CLEC3A: variants seen among roughly 807,000 people sequenced by gnomAD.
CLEC3A encodes C-type lectin domain family 3 member A.
Under a neutral mutation model 20.4 loss-of-function variants are expected in CLEC3A, and 28 were observed. The ratio of observed to expected loss-of-function variants is 1.37; its 90% CI spans 1.02 to 1.88. The LOEUF (loss-of-function observed/expected upper bound fraction) is 1.88, where lower values mean the gene tolerates loss of function less well. Ranked by LOEUF, CLEC3A falls within the 40% of genes most tolerant of loss-of-function variation. The probability of loss-of-function intolerance (pLI) is 0.00; values close to 1 mark genes in which losing one functional copy is unlikely to be tolerated. For missense variants in CLEC3A, 357 were observed against 240.4 expected (o/e 1.48, Z -3.21); for synonymous variants, 110 against 88.1 (o/e 1.25, Z -1.39).
Position 78,022,681 on chromosome 16 carries a change from C to A in CLEC3A, c.55C>A (p.Gln19Lys). The change falls in exon 1 of 3, where the codon CAG becomes AAG. Residue 19 changes from glutamine (Q) to lysine (K), a missense_variant. By Grantham distance (53) the Gln-to-Lys change is moderately conservative. Coordinates refer to ENST00000299642, the MANE Select transcript of CLEC3A (RefSeq NM_005752.6). ...CCTGGTGATCACCTTACTCCTGGAC[C>A]AGACCACCAGCCACACATCCAGATT... is the stretch of plus-strand genomic sequence containing the variant. ...CILVITLLLD[Q>K]TTSHTSRLKA... is the part of the protein sequence containing the mutation. 6.2e-7 allele frequency: 1 copy of A among 1,614,114 alleles called. No individual in the cohort carries two copies. The highest frequency in any genetic ancestry group is 8.5e-7 in the Non-Finnish European group (1 of 1,180,020).
At chr16:78,029,256 C>T in intron 2 of CLEC3A, 1 of 374,008 alleles carries the variant, frequency 2.7e-6, no homozygotes, top group South Asian at 2.1e-5. Context: ...CGGCCTAAAA[C>T]TATCTTTATG....
chr16:78,027,320 G>T (rs764162170), intron 1 of CLEC3A, among the ~76,000 whole-genome samples: 1 of 152,206 alleles, frequency 6.6e-6, no homozygotes, highest in Non-Finnish European at 1.5e-5. Context: ...TTCAAAGACA[G>T]ATTAGCAGAA....
intron 1 of CLEC3A, among the ~76,000 whole-genome samples, chr16:78,024,584 G>C (rs7186719): frequency 5.7e-4 from 86 of 152,160 alleles, no homozygotes; most frequent in African/African-American, 2.0e-3. Flanking sequence ...GCTACTTTTT[G>C]CCATTAGGTC....
At chr16:78,030,405 C>G (rs1279279397) in intron 2 of CLEC3A, 42 bp from the exon 3 acceptor site, 7 of 1,535,102 alleles carry the variant, frequency 4.6e-6, no homozygotes, top group Non-Finnish European at 6.2e-6. Context: ...TCATAATACA[C>G]TCAAAATGCA....
intron 1 of CLEC3A, among the ~76,000 whole-genome samples, chr16:78,023,169 T>C (rs2018771635): frequency 6.6e-6 from 1 of 152,242 alleles, no homozygotes; most frequent in African/African-American, 2.4e-5. Flanking sequence ...ACTATAATCT[T>C]ATTCAATGTG....
At position 78,022,607 on chromosome 16, in the gene CLEC3A, A is replaced by G. The variant is rs1347777424; in HGVS notation, c.-20A>G. 6.2e-7 allele frequency: 1 copy of G among 1,613,462 alleles called. No individual in the cohort carries two copies. Among genetic ancestry groups the G allele is most frequent in the South Asian group, 1.1e-5 (1 of 90,964 alleles). On this transcript the variant is annotated 5_prime_UTR_variant, in exon 1 of 3. Coordinates refer to ENST00000299642, the MANE Select transcript of CLEC3A (RefSeq NM_005752.6). Reference sequence around the variant, plus strand: ...TCTAAGGGGGCTGGCAACATGGCTCAGCAGGCTTGCCCCAGAGCCATGGCA... The same window carrying G: ...TCTAAGGGGGCTGGCAACATGGCTCGGCAGGCTTGCCCCAGAGCCATGGCA...
chr16:78,023,366 G>T (rs1241837059), intron 1 of CLEC3A, among the ~76,000 whole-genome samples: 1 of 151,994 alleles, frequency 6.6e-6, no homozygotes, highest in African/African-American at 2.4e-5. Flanking sequence ...GTATTTGAAG[G>T]CATTGTGATG....
In CLEC3A at chr16:78,022,817, A is replaced by G. The variant is rs993841948; in HGVS notation, c.115+76A>G. On this transcript the variant is annotated intron_variant, in intron 1 of 2. Coordinates refer to ENST00000299642, the MANE Select transcript of CLEC3A (RefSeq NM_005752.6). ...AGGTGCTGGACAATGTTAATTTTCA[A>G]ACTCCTCCAGGAGACTATCTTCGGT... 22 of 1,502,644 alleles carry G rather than the reference A, an allele frequency of 1.5e-5. No individual in the cohort carries two copies. The East Asian group carries it at 1.7e-4, about 11-fold the overall frequency. The allele number at this position is 1,502,644 out of a possible 1,614,324, so 93.1% of individuals were successfully genotyped here. A position where few individuals can be genotyped will look rare whatever the true frequency, so the allele number is the denominator to read the frequency against.
At chr16:78,022,856 C>T in intron 1 of CLEC3A, 115 bp downstream of exon 1, 2 of 1,080,138 alleles carry the variant, frequency 1.9e-6, no homozygotes, top group Non-Finnish European at 2.7e-6. Flanking sequence ...GGCACCATGC[C>T]ATCATCCCTA....
intron 1 of CLEC3A, among the ~76,000 whole-genome samples, chr16:78,025,641 A>G (rs959783610): frequency 3.9e-5 from 6 of 152,234 alleles, no homozygotes; most frequent in African/African-American, 1.4e-4. Context: ...TCAAAATAGC[A>G]ACCGAAGAAT....
chr16:78,029,047 G>C (rs938849994), intron 2 of CLEC3A: 1 of 445,646 alleles, frequency 2.2e-6, no homozygotes, highest in African/African-American at 2.0e-5. Context: ...CCCACAGTCA[G>C]GTACTAGAAA....
chr16:78,030,639 G>A lies in CLEC3A; in HGVS notation c.392G>A (p.Gly131Asp). The A allele has an allele frequency of 6.2e-7, 1 of 1,614,066 alleles. No homozygotes were observed. Among genetic ancestry groups the A allele is most frequent in the South Asian group, 1.1e-5 (1 of 91,058 alleles). ...SLPGVNDFWL[G>D]INDMVTEGKF... ...CCAGGTGTCAATGACTTTTGGCTGG[G>A]CATCAATGACATGGTCACGGAAGGC... Residue 131 changes from glycine (G) to aspartate (D), a missense_variant, in exon 3 of 3, where the codon GGC becomes GAC. By Grantham distance (94) the Gly-to-Asp change is moderately conservative. Coordinates refer to ENST00000299642, the MANE Select transcript of CLEC3A (RefSeq NM_005752.6).
chr16:78,026,602 C>T (rs2029930228), intron 1 of CLEC3A, among the ~76,000 whole-genome samples: 1 of 152,192 alleles, frequency 6.6e-6, no homozygotes. Flanking sequence ...ATGATTGTGT[C>T]TCTCTCAAAG....
rs926795975 is a variant in CLEC3A at position 78,022,660 on chromosome 16, G to A, written c.34G>A (p.Val12Met). ...GAATGGACTTGTAATTTGCATCCTG[G>A]TGATCACCTTACTCCTGGACCAGAC... ...AKNGLVICIL[V>M]ITLLLDQTTS... The change falls in exon 1 of 3, where the codon GTG becomes ATG. Residue 12 changes from valine (V) to methionine (M), a missense_variant. By Grantham distance (21) the Val-to-Met change is conservative. Transcript: ENST00000299642. 6.2e-7 allele frequency: 1 copy of A among 1,614,110 alleles called. No homozygotes were observed. The highest frequency in any genetic ancestry group is 8.5e-7 in the Non-Finnish European group (1 of 1,180,030).
At chr16:78,029,762 A>G (rs1476007121) in intron 2 of CLEC3A, among the ~76,000 whole-genome samples, 1 of 152,116 alleles carries the variant, frequency 6.6e-6, no homozygotes, top group Non-Finnish European at 1.5e-5. Context: ...GCAAGCATGT[A>G]TATATCAGAA....
intron 2 of CLEC3A, among the ~76,000 whole-genome samples, chr16:78,030,112 C>T (rs929539319): frequency 7.2e-6 from 1 of 138,824 alleles, no homozygotes; most frequent in South Asian, 2.4e-4. Flanking sequence ...GAGATGGCGC[C>T]ACTGCACTCC....
At chr16:78,024,651 A>G (rs1472656773) in intron 1 of CLEC3A, among the ~76,000 whole-genome samples, 1 of 152,206 alleles carries the variant, frequency 6.6e-6, no homozygotes, top group African/African-American at 2.4e-5. Flanking sequence ...TCAAGCAATT[A>G]TATCCCCACC....
chr16:78,032,017 C>G lies in CLEC3A; in HGVS notation c.*1176C>G, dbSNP rs2030143570. On this transcript the variant is annotated 3_prime_UTR_variant, in exon 3 of 3. Transcript: ENST00000299642. ...AATGTGTTTTGTGAACAATATCCCA[C>G]TTTGCAAACTTTAACTACACATGCT... The G allele has an allele frequency of 6.6e-6, 1 of 152,568 alleles. No homozygotes were observed. Among genetic ancestry groups the G allele is most frequent in the Non-Finnish European group, 1.5e-5 (1 of 68,020 alleles). 9.5% of individuals were successfully genotyped at this position (152,568 alleles called of 1,614,324 possible). A position where few individuals can be genotyped will look rare whatever the true frequency, so the allele number is the denominator to read the frequency against.
chr16:78,027,405 A>G lies in CLEC3A; in HGVS notation c.116-702A>G, dbSNP rs1266966288. 2.6e-5 allele frequency among the ~76,000 whole-genome samples: 4 copies of G among 152,274 alleles called. No individual in the cohort carries two copies. The East Asian group carries it at 7.7e-4, about 29-fold the overall frequency. On this transcript the variant is annotated intron_variant, in intron 1 of 2. Coordinates refer to ENST00000299642, the MANE Select transcript of CLEC3A (RefSeq NM_005752.6). Reference sequence around the variant, plus strand: ...TATTTAAGCTTGCTAAGAATACAGGAAAGCGCTGGAGCAAGAGTGATCCTA... The same window carrying G: ...TATTTAAGCTTGCTAAGAATACAGGGAAGCGCTGGAGCAAGAGTGATCCTA...
Sources: allele counts gnomAD v4.1 joint callset (sites outside exome capture counted in the v4.1 genomes callset), GRCh38; gene constraint gnomAD v4.1.1; transcripts MANE v1.5; gene names NCBI Gene and HGNC (gene_info 2026-07-23, HGNC 2026-07-21).